Variants in RBFOX1 observed in about 807,000 individuals in gnomAD.
The protein encoded by RBFOX1 is RNA binding fox-1 homolog 1, also known as RNA binding protein fox-1 homolog 1.
Under a neutral mutation model 57.7 loss-of-function variants are expected in RBFOX1, and 8 were observed. That is an observed-to-expected ratio of 0.14 (90% confidence interval 0.08 to 0.25). The LOEUF (loss-of-function observed/expected upper bound fraction) is 0.25, where lower values mean the gene tolerates loss of function less well. RBFOX1 is among the 10% of genes least tolerant of loss of function. The pLI is 1.00. For missense variants in RBFOX1, 611 were observed against 548.5 expected (o/e 1.11, Z -1.14); for synonymous variants, 326 against 222.4 (o/e 1.47, Z -4.15).
chr16:6,941,276 TC>T (rs1278728159), intron 3 of RBFOX1, among the ~76,000 whole-genome samples: 3 of 67,122 alleles, frequency 4.5e-5, no homozygotes, highest in African/African-American at 1.7e-4. Context: ...CCTCTCTCCC[TC>T]CCTTCCCTCC....
At chr16:7,058,189 A>C (rs2053075206) in intron 4 of RBFOX1, among the ~76,000 whole-genome samples, 1 of 152,082 alleles carries the variant, frequency 6.6e-6, no homozygotes, top group Admixed American at 6.6e-5. Context: ...GGCGAACACT[A>C]ACTCATTAAG....
chr16:7,209,721 T>G (rs999248804), intron 4 of RBFOX1, among the ~76,000 whole-genome samples: 3 of 152,160 alleles, frequency 2.0e-5, no homozygotes, highest in Admixed American at 6.5e-5. Flanking sequence ...CTTCACTGAG[T>G]GTAACCTTTG....
chr16:5,785,633 T>G (rs879812863), intron 3 of RBFOX1, among the ~76,000 whole-genome samples: 4 of 152,148 alleles, frequency 2.6e-5, no homozygotes, highest in Non-Finnish European at 5.9e-5. Flanking sequence ...GTTCAAGTGA[T>G]TCTCCTGCCT....
chr16:5,468,882 G>A (rs13337398), intron 2 of RBFOX1, among the ~76,000 whole-genome samples: 8 of 152,318 alleles, frequency 5.3e-5, no homozygotes, highest in Non-Finnish European at 7.4e-5. Flanking sequence ...GACAGAGGTC[G>A]CTACTTCTTC....
intron 3 of RBFOX1, among the ~76,000 whole-genome samples, chr16:6,782,679 C>A (rs1404883521): frequency 1.3e-5 from 2 of 152,136 alleles, no homozygotes; most frequent in East Asian, 3.9e-4. Flanking sequence ...TTTTATGTGC[C>A]CATGAGAAGA....
intron 3 of RBFOX1, among the ~76,000 whole-genome samples, chr16:7,039,966 C>T (rs2045647846): frequency 6.6e-6 from 1 of 151,782 alleles, no homozygotes; most frequent in African/African-American, 2.4e-5. Context: ...AAGATAGCCA[C>T]CCTACATTTA....
At chr16:5,800,180 C>G (rs2055012344) in intron 3 of RBFOX1, among the ~76,000 whole-genome samples, 2 of 151,930 alleles carry the variant, frequency 1.3e-5, no homozygotes, top group African/African-American at 4.8e-5. Context: ...AGGAAATATG[C>G]TAAGGGTAAG....
At chr16:6,161,889 G>A (rs1458200678) in intron 1 of RBFOX1, among the ~76,000 whole-genome samples, 1 of 152,202 alleles carries the variant, frequency 6.6e-6, no homozygotes, top group Non-Finnish European at 1.5e-5. Context: ...AACCAAAGGA[G>A]GTGTCAGAGT....
intron 3 of RBFOX1, among the ~76,000 whole-genome samples, chr16:6,890,532 A>C (rs903523075): frequency 3.4e-5 from 5 of 145,876 alleles, no homozygotes; most frequent in African/African-American, 1.3e-4. Context: ...ACAAACAAAC[A>C]AAACCAAACC....
At chr16:5,787,932 G>C (rs932659675) in intron 3 of RBFOX1, among the ~76,000 whole-genome samples, 1 of 152,230 alleles carries the variant, frequency 6.6e-6, no homozygotes, top group African/African-American at 2.4e-5. Flanking sequence ...TTTGGGCAGA[G>C]ACAAGAGAGA....
chr16:5,728,001 C>A (rs1439142195), intron 3 of RBFOX1, among the ~76,000 whole-genome samples: 2 of 152,192 alleles, frequency 1.3e-5, no homozygotes, highest in Non-Finnish European at 2.9e-5. Flanking sequence ...CTCTCTGTTT[C>A]TATCAGTTCA....
chr16:7,103,474 T>A lies in RBFOX1; in HGVS notation c.27+51376T>A, dbSNP rs113991729. Among the ~76,000 whole-genome samples, 470 of 152,238 alleles carry A rather than the reference T, an allele frequency of 3.1e-3. 4 individuals carry two copies. Among genetic ancestry groups the A allele is most frequent in the African/African-American group, 0.011 (452 of 41,546 alleles). On this transcript the variant is annotated intron_variant, in intron 4 of 15. Transcript: ENST00000550418. ...TCCTGCTGAATTTAGAAATACAGTA[T>A]ATGAATTGGTATGAAAAGACGTTCA...
At chr16:7,264,276 T>C (rs2095044402) in intron 4 of RBFOX1, among the ~76,000 whole-genome samples, 1 of 152,068 alleles carries the variant, frequency 6.6e-6, no homozygotes. Flanking sequence ...ACAAAATTGG[T>C]AAACTCAAGG....
intron 2 of RBFOX1, among the ~76,000 whole-genome samples, chr16:5,536,140 C>T (rs1186356289): frequency 2.8e-5 from 4 of 145,020 alleles, no homozygotes; most frequent in Non-Finnish European, 4.5e-5. Context: ...GTTCTTACCT[C>T]AACTTATTTC....
chr16:5,473,759 A>G (rs1251279621), intron 2 of RBFOX1, among the ~76,000 whole-genome samples: 2 of 144,298 alleles, frequency 1.4e-5, no homozygotes, highest in African/African-American at 2.6e-5. Flanking sequence ...AGAAGGATGG[A>G]TGGAAAGGTG....
In RBFOX1 at chr16:6,178,159, A is replaced by G. The variant is rs144024136; in HGVS notation, c.-126-138836A>G. 5.7e-3 allele frequency among the ~76,000 whole-genome samples: 844 copies of G among 147,084 alleles called. 5 individuals carry two copies. The highest frequency in any genetic ancestry group is 0.02 in the African/African-American group (792 of 39,866). On this transcript the variant is annotated intron_variant, in intron 1 of 15. Coordinates refer to ENST00000550418, the MANE Select transcript of RBFOX1 (RefSeq NM_018723.4). ...TGGGGACCAGCCTGTGTCCTTGCCCATATTTCCAAAGGTCACTCTTTTTTT... is the reference window on the plus strand; with the variant it reads ...TGGGGACCAGCCTGTGTCCTTGCCCGTATTTCCAAAGGTCACTCTTTTTTT...
intron 4 of RBFOX1, among the ~76,000 whole-genome samples, chr16:7,070,928 G>A (rs1410862315): frequency 6.6e-6 from 1 of 152,264 alleles, no homozygotes; most frequent in East Asian, 1.9e-4. Flanking sequence ...CTAGTAAGCA[G>A]GACTCAGCTT....
chr16:6,410,235 C>G (rs537715860), intron 2 of RBFOX1, among the ~76,000 whole-genome samples: 1 of 144,464 alleles, frequency 6.9e-6, no homozygotes, highest in Non-Finnish European at 1.5e-5. Flanking sequence ...TTTACAGGTA[C>G]AAGAAAATAA....
At chr16:7,660,804 A>G (rs1053183625) in intron 12 of RBFOX1, among the ~76,000 whole-genome samples, 1 of 152,160 alleles carries the variant, frequency 6.6e-6, no homozygotes, top group Non-Finnish European at 1.5e-5. Context: ...CTGTGTTTCA[A>G]AAGTCCTCCA....
Sources: allele counts gnomAD v4.1 joint callset (sites outside exome capture counted in the v4.1 genomes callset), GRCh38; gene constraint gnomAD v4.1.1; transcripts MANE v1.5; gene names NCBI Gene and HGNC (gene_info 2026-07-23, HGNC 2026-07-21).